Variants in XKR9 observed in about 807,000 individuals in gnomAD.
The protein encoded by XKR9 is XK related 9, also known as XK-related protein 9.
Under a neutral mutation model 32.0 loss-of-function variants are expected in XKR9, and 32 were observed. The ratio of observed to expected loss-of-function variants is 1.00; its 90% CI spans 0.76 to 1.34. The LOEUF (loss-of-function observed/expected upper bound fraction) is 1.34, where lower values mean the gene tolerates loss of function less well. XKR9 is among the 40% of genes most tolerant of loss of function. XKR9 has a pLI of 0.00. For synonymous variants in XKR9, 168 were observed against 143.4 expected (o/e 1.17, Z -1.22); for missense variants, 546 against 429.7 (o/e 1.27, Z -2.39).
At chr8:70,949,624 A>C in the XKR9 span, among the ~76,000 whole-genome samples, 1 of 151,766 alleles carries the variant, frequency 6.6e-6, no homozygotes, top group Non-Finnish European at 1.5e-5. Context: ...GCGAGGTTTG[A>C]TCGTGGGGGA....
chr8:70,792,136 G>A (rs1807771883), downstream of XKR9, among the ~76,000 whole-genome samples: 1 of 151,978 alleles, frequency 6.6e-6, no homozygotes, highest in Non-Finnish European at 1.5e-5. Context: ...CTCTAATTTT[G>A]GAACACTAAT....
the XKR9 span, among the ~76,000 whole-genome samples, chr8:71,033,783 C>T: frequency 6.6e-6 from 1 of 152,158 alleles, no homozygotes; most frequent in Admixed American, 6.5e-5. Context: ...GTGGAAGCAG[C>T]ATATGGAGGC....
Position 70,733,946 on chromosome 8 carries a change from C to G in XKR9, c.644C>G (p.Ser215Trp). ...TTTTACAAGTTGTTTACATTATTAT[C>G]GTGGATGCTGAGTGTTGTACTTCTA... ...YLFYKLFTLLSWMLSVVLLLF... is the reference protein window; with the variant it reads ...YLFYKLFTLLWWMLSVVLLLF... Residue 215 changes from serine (S) to tryptophan (W), a missense_variant, in exon 5 of 5, where the codon TCG (serine) becomes TGG (tryptophan). Ser to Trp is a radical substitution (Grantham distance 177). Coordinates refer to ENST00000408926, the MANE Select transcript of XKR9 (RefSeq NM_001011720.2). The G allele has an allele frequency of 6.2e-7, 1 of 1,612,656 alleles. No homozygotes were observed. Among genetic ancestry groups the G allele is most frequent in the African/African-American group, 1.3e-5 (1 of 74,946 alleles).
the XKR9 span, among the ~76,000 whole-genome samples, chr8:70,837,953 T>C: frequency 6.6e-5 from 10 of 152,276 alleles, no homozygotes; most frequent in Admixed American, 5.9e-4. Flanking sequence ...CATTATCATT[T>C]ATTATTACTG....
the XKR9 span, among the ~76,000 whole-genome samples, chr8:70,845,265 A>G: frequency 6.6e-6 from 1 of 152,230 alleles, no homozygotes. Context: ...AACCAACACT[A>G]TAGTTAAATC....
In XKR9 at chr8:70,707,032, TATAG is replaced by T. The variant is rs532745388; in HGVS notation, c.378_381del (p.Asp126GlufsTer2). 151 of 1,613,414 alleles carry T rather than the reference TATAG, an allele frequency of 9.4e-5. No homozygotes were observed. The East Asian group carries it at 3.2e-3, about 34-fold the overall frequency. On this transcript the variant is annotated frameshift_variant, in exon 4 of 5. Transcript: ENST00000408926. LOFTEE classifies it high-confidence loss of function. ...AACAAATTGATCTACATAAAGAAGTTATAGATAGAGTGACTGATTTGAGCATGCT... is the reference window on the plus strand; with the variant it reads ...AACAAATTGATCTACATAAAGAAGTTATAGAGTGACTGATTTGAGCATGCT...
At chr8:70,832,498 T>A in the XKR9 span, among the ~76,000 whole-genome samples, 1 of 152,122 alleles carries the variant, frequency 6.6e-6, no homozygotes, top group East Asian at 1.9e-4. Flanking sequence ...AGGAGTGATA[T>A]TAAAAAGGAA....
intron 3 of XKR9, among the ~76,000 whole-genome samples, chr8:70,693,304 G>T (rs951547955): frequency 2.0e-5 from 3 of 152,132 alleles, no homozygotes; most frequent in African/African-American, 2.4e-5. Flanking sequence ...TTCAGTGGGG[G>T]TATATTAGTG....
chr8:70,731,609 C>A (rs189791211), intron 4 of XKR9, among the ~76,000 whole-genome samples: 40 of 152,284 alleles, frequency 2.6e-4, no homozygotes, highest in Admixed American at 8.5e-4. Flanking sequence ...CCAATATCAA[C>A]CTGGCAAAGC....
chr8:70,974,090 A>G, the XKR9 span, among the ~76,000 whole-genome samples: 1 of 151,928 alleles, frequency 6.6e-6, no homozygotes, highest in African/African-American at 2.4e-5. Context: ...TTGTGTTGCC[A>G]TCTATCTCAT....
the XKR9 span, among the ~76,000 whole-genome samples, chr8:70,795,962 A>C: frequency 6.6e-6 from 1 of 152,192 alleles, no homozygotes; most frequent in African/African-American, 2.4e-5. Flanking sequence ...AGAAGTTATC[A>C]GTTAAGTCAT....
At chr8:70,876,650 A>G in the XKR9 span, among the ~76,000 whole-genome samples, 1 of 152,174 alleles carries the variant, frequency 6.6e-6, no homozygotes, top group Non-Finnish European at 1.5e-5. Flanking sequence ...ATTTTCATGA[A>G]TGACAATTCT....
chr8:70,739,582 G>A, downstream of XKR9, among the ~76,000 whole-genome samples: 1 of 152,018 alleles, frequency 6.6e-6, no homozygotes, highest in East Asian at 1.9e-4. Context: ...TTACAATTTG[G>A]CATGATTTTG....
chr8:70,815,841 G>A, the XKR9 span, among the ~76,000 whole-genome samples: 1 of 151,920 alleles, frequency 6.6e-6, no homozygotes, highest in Non-Finnish European at 1.5e-5. Context: ...CTTTTTTATG[G>A]CTTTTTATTC....
chr8:70,712,954 A>C (rs1484205970), intron 4 of XKR9, among the ~76,000 whole-genome samples: 2 of 152,204 alleles, frequency 1.3e-5, no homozygotes, highest in Non-Finnish European at 2.9e-5. Flanking sequence ...ATGAATAAGA[A>C]GTAGAGGAAA....
At chr8:70,739,442 T>C (rs1806926184), downstream of XKR9, among the ~76,000 whole-genome samples, 1 of 152,236 alleles carries the variant, frequency 6.6e-6, no homozygotes, top group Admixed American at 6.5e-5. Flanking sequence ...CTGTGTCTTT[T>C]AACTGGAGCA....
the XKR9 span, among the ~76,000 whole-genome samples, chr8:70,922,205 T>C: frequency 0.2 from 30,019 of 152,146 alleles, 3,289 homozygotes; most frequent in African/African-American, 0.28. Context: ...AGTTTCTCTT[T>C]TCTCCCTTCC....
the XKR9 span, among the ~76,000 whole-genome samples, chr8:70,990,360 A>C: frequency 6.6e-5 from 10 of 152,210 alleles, no homozygotes; most frequent in African/African-American, 2.4e-4. Flanking sequence ...CAGGGAGATC[A>C]GCCTTCCAAA....
At chr8:70,968,889 C>A in the XKR9 span, among the ~76,000 whole-genome samples, 1 of 152,138 alleles carries the variant, frequency 6.6e-6, no homozygotes, top group East Asian at 1.9e-4. Flanking sequence ...GTCTTGAGAC[C>A]CCTTTTGGGA....
Sources: allele counts gnomAD v4.1 joint callset (sites outside exome capture counted in the v4.1 genomes callset), GRCh38; gene constraint gnomAD v4.1.1; transcripts MANE v1.5; gene names NCBI Gene and HGNC (gene_info 2026-07-23, HGNC 2026-07-21).